The following RBFOX1 variants were observed in gnomAD, a reference collection of about 807,000 sequenced individuals.
RBFOX1 encodes the protein RNA binding fox-1 homolog 1.
RBFOX1 carries 8 observed loss-of-function variants against 57.7 expected under a neutral mutation model. The ratio of observed to expected loss-of-function variants is 0.14; its 90% CI spans 0.08 to 0.25. The LOEUF (loss-of-function observed/expected upper bound fraction) is 0.25, where lower values mean the gene tolerates loss of function less well. RBFOX1 is among the 10% of genes least tolerant of loss of function. RBFOX1 has a pLI of 1.00. For missense variants in RBFOX1, 611 were observed against 548.5 expected (o/e 1.11, Z -1.14); for synonymous variants, 326 against 222.4 (o/e 1.47, Z -4.15).
chr16:6,389,071 G>T (rs2092456811), intron 2 of RBFOX1, among the ~76,000 whole-genome samples: 1 of 152,136 alleles, frequency 6.6e-6, no homozygotes, highest in Admixed American at 6.5e-5. Flanking sequence ...TTTTCACCCA[G>T]CTTGGCTTTG....
chr16:5,729,596 A>T (rs1394484399), intron 3 of RBFOX1, among the ~76,000 whole-genome samples: 1 of 152,104 alleles, frequency 6.6e-6, no homozygotes, highest in Non-Finnish European at 1.5e-5. Flanking sequence ...GGTACCCAAG[A>T]TAATTTGCAT....
At chr16:7,489,426 C>T (rs1269588271) in intron 4 of RBFOX1, among the ~76,000 whole-genome samples, 1 of 152,126 alleles carries the variant, frequency 6.6e-6, no homozygotes, top group Non-Finnish European at 1.5e-5. Context: ...CCCATTTAAT[C>T]TTCAAAATAG....
At chr16:7,539,195 G>A (rs964762258) in intron 5 of RBFOX1, among the ~76,000 whole-genome samples, 8 of 152,084 alleles carry the variant, frequency 5.3e-5, no homozygotes, top group African/African-American at 1.9e-4. Flanking sequence ...ACTTTTTGAA[G>A]AAAACACATA....
rs768150965 is a variant in RBFOX1 at position 7,613,291 on chromosome 16, A to AT, written c.676+5954dup. 1.1e-4 allele frequency among the ~76,000 whole-genome samples: 17 copies of AT among 152,348 alleles called. No individual in the cohort carries two copies. In the South Asian group the frequency reaches 3.5e-3, roughly 32 times the overall value. On this transcript the variant is annotated intron_variant, in intron 10 of 15. Transcript: ENST00000550418. ...AAATGACAGGAACTAAAAATGCGCC[A>AT]TGCCTGACTGCAAAGTCACATTTGA...
chr16:7,080,348 G>T (rs2058999252), intron 4 of RBFOX1, among the ~76,000 whole-genome samples: 1 of 152,040 alleles, frequency 6.6e-6, no homozygotes, highest in African/African-American at 2.4e-5. Context: ...CTATCATTCT[G>T]TACCTTCTTC....
intron 3 of RBFOX1, among the ~76,000 whole-genome samples, chr16:6,928,568 T>A (rs1326908831): frequency 6.6e-6 from 1 of 152,118 alleles, no homozygotes; most frequent in Non-Finnish European, 1.5e-5. Context: ...CCAAGGAAAT[T>A]ATAAATTCCT....
At chr16:7,419,937 TTTTTTTTA>T (rs1426221031) in intron 4 of RBFOX1, among the ~76,000 whole-genome samples, 2 of 108,820 alleles carry the variant, frequency 1.8e-5, no homozygotes, top group African/African-American at 4.2e-5. Flanking sequence ...TTTTTTTTTT[TTTTTTTTA>T]ATTGTTTTGG....
At chr16:6,282,179 A>G (rs1043150870) in intron 1 of RBFOX1, among the ~76,000 whole-genome samples, 2 of 152,064 alleles carry the variant, frequency 1.3e-5, no homozygotes, top group Non-Finnish European at 2.9e-5. Context: ...CTTGGGAAAA[A>G]TCCCAGATTG....
intron 2 of RBFOX1, among the ~76,000 whole-genome samples, chr16:6,431,690 A>G (rs944814132): frequency 6.6e-6 from 1 of 152,042 alleles, no homozygotes; most frequent in Non-Finnish European, 1.5e-5. Context: ...TATGATGGGA[A>G]GCCAGCCATC....
Position 6,971,938 on chromosome 16 carries a change from G to C in RBFOX1, c.-15-80119G>C, listed in dbSNP as rs564392116. On this transcript the variant is annotated intron_variant, in intron 3 of 15. Transcript: ENST00000550418. Reference sequence around the variant, plus strand: ...TGAGATGGGAACTGGACCGACTTGAGATGCGGGAGAATGTGAATGAGCATG... The same window carrying C: ...TGAGATGGGAACTGGACCGACTTGACATGCGGGAGAATGTGAATGAGCATG... Among the ~76,000 whole-genome samples the C allele has an allele frequency of 5.9e-5, 9 of 152,268 alleles. No homozygotes were observed. In the East Asian group the frequency reaches 1.4e-3, roughly 23 times the overall value.
intron 3 of RBFOX1, among the ~76,000 whole-genome samples, chr16:6,716,685 C>T (rs1165398052): frequency 1.3e-5 from 2 of 152,182 alleles, no homozygotes; most frequent in African/African-American, 4.8e-5. Context: ...CAGCATTTTC[C>T]ATTCCTCTGG....
intron 3 of RBFOX1, among the ~76,000 whole-genome samples, chr16:6,918,836 C>T (rs1033896116): frequency 6.6e-6 from 1 of 152,088 alleles, no homozygotes; most frequent in Non-Finnish European, 1.5e-5. Flanking sequence ...CAAGTATTTT[C>T]AGTGCAACAC....
rs531699061 is a variant in RBFOX1, at chr16:6,429,418, A to T, written c.-64+112361A>T. Among the ~76,000 whole-genome samples, 133 of 152,330 alleles carry T rather than the reference A, an allele frequency of 8.7e-4. 1 individual carries two copies. Among genetic ancestry groups the T allele is most frequent in the Middle Eastern group, 3.4e-3 (1 of 294 alleles). On this transcript the variant is annotated intron_variant, in intron 2 of 15. Transcript: ENST00000550418. The stretch of plus-strand genomic sequence containing the variant: ...AAGCCATTTCTCATATTTACCCAAC[A>T]TTCACTTTTCTATAGATCCTAAAGG...
intron 1 of RBFOX1, among the ~76,000 whole-genome samples, chr16:5,343,298 G>GTTTTTTTTTTTTTTTTTTTTTTGT (rs33934959): frequency 9.1e-6 from 1 of 109,952 alleles, no homozygotes; most frequent in Non-Finnish European, 1.7e-5. Context: ...CTTCTTTGAA[G>GTTTTTTTTTTTTTTTTTTTTTTGT]TTTTTTTTTT....
At chr16:5,773,377 T>G (rs1442712892) in intron 3 of RBFOX1, among the ~76,000 whole-genome samples, 1 of 152,160 alleles carries the variant, frequency 6.6e-6, no homozygotes, top group African/African-American at 2.4e-5. Context: ...CACACACACA[T>G]CCATACACAC....
chr16:6,495,023 A>G (rs1289359000), intron 2 of RBFOX1, among the ~76,000 whole-genome samples: 2 of 152,204 alleles, frequency 1.3e-5, no homozygotes, highest in Non-Finnish European at 2.9e-5. Context: ...AACTTGCCCA[A>G]GATTATACAG....
chr16:7,410,492 A>C lies in RBFOX1; in HGVS notation c.28-107655A>C, dbSNP rs867598885. 3.5e-4 allele frequency among the ~76,000 whole-genome samples: 53 copies of C among 152,158 alleles called. No homozygotes were observed. The Middle Eastern group carries it at 0.01, about 29-fold the overall frequency. ...AGGTTGGGAGTTCGAGACCAGCCTG[A>C]CCAACATGGAGAAACCCGGTCTCTA... On this transcript the variant is annotated intron_variant, in intron 4 of 15. Coordinates refer to ENST00000550418, the MANE Select transcript of RBFOX1 (RefSeq NM_018723.4).
rs545943815 is a variant in RBFOX1 at position 6,800,223 on chromosome 16, A to G, written c.-16+145573A>G. On this transcript the variant is annotated intron_variant, in intron 3 of 15. Transcript: ENST00000550418. The stretch of plus-strand genomic sequence containing the variant: ...CTTGCTGTTTTCCTGCCTCATAACC[A>G]TGTCTGTTTGCCCAAGACTGTCCCA... Among the ~76,000 whole-genome samples, 62 of 145,976 alleles carry G rather than the reference A, an allele frequency of 4.2e-4. 1 individual carries two copies. The South Asian group carries it at 0.012, about 29-fold the overall frequency.
At chr16:6,753,013 C>A (rs1294117886) in intron 3 of RBFOX1, among the ~76,000 whole-genome samples, 1 of 152,008 alleles carries the variant, frequency 6.6e-6, no homozygotes, top group African/African-American at 2.4e-5. Context: ...CACAATTGTG[C>A]AAATTTCAAA....
Sources: gnomAD v4.1 joint callset for allele counts (sites outside exome capture counted in the v4.1 genomes callset) on GRCh38, gnomAD v4.1.1 for gene constraint, MANE v1.5 for transcripts, NCBI Gene and HGNC (gene_info 2026-07-23, HGNC 2026-07-21) for gene names.